The following SPAG17 variants were observed in gnomAD, a reference collection of about 807,000 sequenced individuals.
The protein encoded by SPAG17 is sperm-associated antigen 17.
SPAG17 carries 169 observed loss-of-function variants against 273.6 expected under a neutral mutation model. That is an observed-to-expected ratio of 0.62 (90% CI 0.55 to 0.70). The LOEUF (loss-of-function observed/expected upper bound fraction) is 0.70. Among genes scored for constraint, SPAG17 ranks in the 30% least tolerant of loss-of-function variants. The pLI is 0.00. For synonymous variants in SPAG17, 825 were observed against 873.2 expected (o/e 0.94, Z 0.97); for missense variants, 2,557 against 2,627.8 (o/e 0.97, Z 0.59).
At chr1:117,995,817 C>T (rs990364070) in intron 34 of SPAG17, among the ~76,000 whole-genome samples, 2 of 151,608 alleles carry the variant, frequency 1.3e-5, no homozygotes, top group Non-Finnish European at 2.9e-5. Flanking sequence ...ATTACATATA[C>T]TGGATGGTTC....
chr1:118,130,888 G>A (rs1241549822), intron 3 of SPAG17, among the ~76,000 whole-genome samples: 1 of 152,174 alleles, frequency 6.6e-6, no homozygotes, highest in East Asian at 1.9e-4. Context: ...CAAGAACACA[G>A]GGGTTAAATA....
At chr1:118,149,687 A>G (rs1159266668) in intron 3 of SPAG17, among the ~76,000 whole-genome samples, 2 of 152,230 alleles carry the variant, frequency 1.3e-5, no homozygotes, top group Non-Finnish European at 2.9e-5. Context: ...AATAGACCGT[A>G]TGTAATCACC....
intron 38 of SPAG17, among the ~76,000 whole-genome samples, chr1:117,988,477 T>C (rs1284570926): frequency 6.6e-6 from 1 of 152,238 alleles, no homozygotes; most frequent in African/African-American, 2.4e-5. Context: ...GGTGTTCTAC[T>C]TAACTGAATT....
chr1:118,072,580 T>C (rs1260701914), intron 17 of SPAG17, among the ~76,000 whole-genome samples: 1 of 152,046 alleles, frequency 6.6e-6, no homozygotes. Context: ...TAATAATAAA[T>C]ACATAGTAAA....
In SPAG17 at chr1:118,069,633, T is replaced by C. The variant is rs116063172; in HGVS notation, c.2386-2734A>G. 4.2e-3 allele frequency among the ~76,000 whole-genome samples: 644 copies of C among 152,242 alleles called. 4 individuals carry two copies. The highest frequency in any genetic ancestry group is 0.015 in the African/African-American group (612 of 41,542). ...TTCAGGTAGAATTTTGAGTAAGGTA[T>C]AATAATGTGAATCTCTAGAGAGAGA... On this transcript the variant is annotated intron_variant, in intron 17 of 48. Transcript: ENST00000336338.
At chr1:118,103,040 G>A (rs969116974) in intron 4 of SPAG17, among the ~76,000 whole-genome samples, 12 of 152,172 alleles carry the variant, frequency 7.9e-5, no homozygotes, top group Non-Finnish European at 1.3e-4. Context: ...CACAGCCTGG[G>A]GTGGAGGCAG....
At chr1:117,994,021 G>C (rs147541739) in intron 35 of SPAG17, among the ~76,000 whole-genome samples, 1 of 152,074 alleles carries the variant, frequency 6.6e-6, no homozygotes, top group African/African-American at 2.4e-5. Flanking sequence ...GAGAGTAAAA[G>C]GCACAAAATT....
chr1:117,957,021 C>T, intron 48 of SPAG17: 2 of 1,489,170 alleles, frequency 1.3e-6, no homozygotes, highest in South Asian at 1.4e-5. Context: ...ACCATGTTAA[C>T]AACGTTAACA....
At chr1:118,158,992 G>A (rs1419810429) in intron 1 of SPAG17, among the ~76,000 whole-genome samples, 4 of 152,176 alleles carry the variant, frequency 2.6e-5, no homozygotes, top group Non-Finnish European at 5.9e-5. Flanking sequence ...GCATATAGAA[G>A]CATTCAATAA....
intron 41 of SPAG17, among the ~76,000 whole-genome samples, chr1:117,984,151 A>G (rs904554726): frequency 6.6e-6 from 1 of 152,174 alleles, no homozygotes; most frequent in African/African-American, 2.4e-5. Flanking sequence ...TGAACATATG[A>G]AAATATTCGC....
intron 3 of SPAG17, among the ~76,000 whole-genome samples, chr1:118,138,435 T>C (rs1558038933): frequency 6.6e-6 from 1 of 152,170 alleles, no homozygotes; most frequent in Non-Finnish European, 1.5e-5. Context: ...GGAAATGTAA[T>C]AGAGAATAGG....
rs1653886889 is a variant in SPAG17 at position 117,966,644 on chromosome 1, G to A, written c.6497C>T (p.Thr2166Ile). Residue 2166 changes from threonine (T) to isoleucine (I), a missense_variant, in exon 47 of 49, where the codon ACA becomes ATA. Transcript: ENST00000336338. Reference protein sequence around the residue: ...AHISHNIEIMTEHEVLFLPVE... With the variant: ...AHISHNIEIMIEHEVLFLPVE... ...AGGTAGGAACAGAACCTCATGCTCTGTCATAATCTCGATATTGTGAGAGAT... is the reference window on the plus strand; with the variant it reads ...AGGTAGGAACAGAACCTCATGCTCTATCATAATCTCGATATTGTGAGAGAT... The A allele has an allele frequency of 6.2e-7, 1 of 1,613,748 alleles. No homozygotes were observed. The highest frequency in any genetic ancestry group is 1.7e-5 in the Admixed American group (1 of 59,906).
intron 4 of SPAG17, among the ~76,000 whole-genome samples, chr1:118,107,718 T>C (rs564633969): frequency 2.6e-5 from 4 of 152,104 alleles, no homozygotes; most frequent in Non-Finnish European, 5.9e-5. Context: ...AATAACTTTT[T>C]CTTATAAAAA....
intron 17 of SPAG17, among the ~76,000 whole-genome samples, chr1:118,071,510 T>A (rs1653582320): frequency 6.6e-6 from 1 of 151,524 alleles, no homozygotes; most frequent in Non-Finnish European, 1.5e-5. Context: ...ATCAGCCAGG[T>A]GTGGTGGCAA....
At chr1:118,063,286 C>A (rs1652553575) in intron 18 of SPAG17, among the ~76,000 whole-genome samples, 1 of 152,254 alleles carries the variant, frequency 6.6e-6, no homozygotes, top group East Asian at 1.9e-4. Flanking sequence ...AGTCAATCTT[C>A]AGCCAAAAGA....
At chr1:118,170,979 G>A (rs150192048) in intron 1 of SPAG17, among the ~76,000 whole-genome samples, 56 of 152,304 alleles carry the variant, frequency 3.7e-4, no homozygotes, top group Non-Finnish European at 6.3e-4. Context: ...AATTAACATG[G>A]TGTGTGCAGC....
At chr1:118,083,368 G>T (rs969771340) in intron 13 of SPAG17, among the ~76,000 whole-genome samples, 1 of 152,118 alleles carries the variant, frequency 6.6e-6, no homozygotes, top group African/African-American at 2.4e-5. Context: ...AAAGACTGTT[G>T]GTAAAAAATT....
At chr1:118,077,685 T>C (rs147201955) in intron 15 of SPAG17, among the ~76,000 whole-genome samples, 228 of 152,272 alleles carry the variant, frequency 1.5e-3, no homozygotes, top group African/African-American at 5.2e-3. Context: ...CTCAGGTTAA[T>C]TTATTGGCTT....
At position 118,085,977 on chromosome 1, in the gene SPAG17, C is replaced by CCATGGTGGAACAA; in HGVS notation, c.1706_1707insTTGTTCCACCATG (p.Trp569CysfsTer9). 6.2e-7 allele frequency: 1 copy of CCATGGTGGAACAA among 1,613,382 alleles called. No homozygotes were observed. Among genetic ancestry groups the CCATGGTGGAACAA allele is most frequent in the Non-Finnish European group, 8.5e-7 (1 of 1,179,740 alleles). On this transcript the variant is annotated frameshift_variant, in exon 13 of 49. Coordinates refer to ENST00000336338, the MANE Select transcript of SPAG17 (RefSeq NM_206996.4). LOFTEE classifies it high-confidence loss of function. ...TTGTAGCTAGACGTTTAGTGTTGTT[C>CCATGGTGGAACAA]CATGGTGGGGGTAGAGGGAATTGAA...
Sources: gnomAD v4.1 joint callset for allele counts (sites outside exome capture counted in the v4.1 genomes callset) on GRCh38, gnomAD v4.1.1 for gene constraint, MANE v1.5 for transcripts, NCBI Gene and HGNC (gene_info 2026-07-23, HGNC 2026-07-21) for gene names.